The following PLXNA2 variants were observed in gnomAD, a reference collection of about 807,000 sequenced individuals.
PLXNA2 encodes the protein plexin-A2.
In PLXNA2, 91 loss-of-function variants were observed where a neutral mutation model predicts 193.5. That is an observed-to-expected ratio of 0.47 (90% CI 0.40 to 0.56). The LOEUF is 0.56. Among genes scored for constraint, PLXNA2 ranks in the 20% least tolerant of loss-of-function variants. PLXNA2 has a pLI of 0.00. For synonymous variants in PLXNA2, 997 were observed against 1,027.3 expected (o/e 0.97, Z 0.56); for missense variants, 1,995 against 2,503.2 (o/e 0.80, Z 4.33).
In PLXNA2 at chr1:208,057,850, A is replaced by T. The variant is rs541338863; in HGVS notation, c.2738+2836T>A. 2.0e-5 allele frequency among the ~76,000 whole-genome samples: 3 copies of T among 152,338 alleles called. No homozygotes were observed. In the South Asian group the frequency reaches 6.2e-4, roughly 32 times the overall value. On this transcript the variant is annotated intron_variant, in intron 13 of 31. Coordinates refer to ENST00000367033, the MANE Select transcript of PLXNA2 (RefSeq NM_025179.4). Reference sequence around the variant, plus strand: ...AGATAATCTTTACAATGGGAGCTGCAGATTCCATGGGGCATACCATTTACT... The same window carrying T: ...AGATAATCTTTACAATGGGAGCTGCTGATTCCATGGGGCATACCATTTACT...
intron 3 of PLXNA2, among the ~76,000 whole-genome samples, chr1:208,179,401 G>C (rs936509816): frequency 1.3e-5 from 2 of 152,206 alleles, no homozygotes; most frequent in African/African-American, 4.8e-5. Flanking sequence ...CCTGCTAGGA[G>C]GTGCAGCCGG....
At chr1:208,090,580 GTTTA>G (rs1666675576) in intron 9 of PLXNA2, among the ~76,000 whole-genome samples, 1 of 152,138 alleles carries the variant, frequency 6.6e-6, no homozygotes, top group Non-Finnish European at 1.5e-5. Context: ...CCCCAGCAGA[GTTTA>G]TTTATCTTGC....
In PLXNA2 at chr1:208,220,722, G is replaced by A. The variant is rs375845010; in HGVS notation, c.-80-2720C>T. 8.9e-4 allele frequency among the ~76,000 whole-genome samples: 135 copies of A among 152,030 alleles called. 2 individuals carry two copies. In the South Asian group the frequency reaches 0.026, roughly 29 times the overall value. ...CTCCCAAAGTGCTGGGATTACAGGC[G>A]TGAGCCACTGCACCTGGCCTGTTAT... On this transcript the variant is annotated intron_variant, in intron 1 of 31. Coordinates refer to ENST00000367033, the MANE Select transcript of PLXNA2 (RefSeq NM_025179.4).
intron 3 of PLXNA2, among the ~76,000 whole-genome samples, chr1:208,181,344 A>G (rs1669835520): frequency 6.6e-6 from 1 of 152,148 alleles, no homozygotes; most frequent in South Asian, 2.1e-4. Flanking sequence ...TCTTTCCTTC[A>G]GGGGGCCAGA....
intron 6 of PLXNA2, among the ~76,000 whole-genome samples, chr1:208,097,495 G>C (rs189536689): frequency 0.01 from 1,528 of 152,300 alleles, 14 homozygotes; most frequent in Non-Finnish European, 0.014. Flanking sequence ...AAGGAGCTCA[G>C]GGGATCAGAG....
chr1:208,084,999 C>T (rs984948759), intron 9 of PLXNA2, among the ~76,000 whole-genome samples: 1 of 152,224 alleles, frequency 6.6e-6, no homozygotes. Context: ...CCGTTATCAG[C>T]AGCTTCAGCT....
At chr1:208,149,568 A>C (rs1356414514) in intron 3 of PLXNA2, among the ~76,000 whole-genome samples, 28 of 150,370 alleles carry the variant, frequency 1.9e-4, no homozygotes, top group Admixed American at 1.9e-3. Flanking sequence ...TGTGTGTATA[A>C]GTGTGGTGTG....
intron 29 of PLXNA2, chr1:208,029,865 A>G (rs144830598): frequency 1.1e-5 from 11 of 985,568 alleles, no homozygotes; most frequent in Non-Finnish European, 1.3e-5. Flanking sequence ...TTCCTTTTCC[A>G]GCTTTGCCTT....
chr1:208,031,866 G>T, intron 28 of PLXNA2, 107 bp from the exon 29 acceptor site: 1 of 1,285,934 alleles, frequency 7.8e-7, no homozygotes, highest in Non-Finnish European at 1.1e-6. Flanking sequence ...ATTTGTCTGG[G>T]ACACGAGGCT....
rs1189668586 is a variant in PLXNA2, at chr1:208,022,596, G to A, written c.*4647C>T. On this transcript the variant is annotated 3_prime_UTR_variant, in exon 32 of 32. Coordinates refer to ENST00000367033, the MANE Select transcript of PLXNA2 (RefSeq NM_025179.4). ...GGCCCCTAGTCTCATGGGATAGAGA[G>A]CTTGTCCCTTCTGCCCTTACACACG... 1.3e-5 allele frequency: 2 copies of A among 152,614 alleles called. No homozygotes were observed. The highest frequency in any genetic ancestry group is 4.8e-5 in the African/African-American group (2 of 41,432). 9.5% of individuals were successfully genotyped at this position (152,614 alleles called of 1,614,324 possible). A position where few individuals can be genotyped will look rare whatever the true frequency, so the allele number is the denominator to read the frequency against.
At chr1:208,093,124 G>T (rs2478805) in intron 8 of PLXNA2, among the ~76,000 whole-genome samples, 145,707 of 152,290 alleles carry the variant, frequency 0.96, 70,049 homozygotes, top group East Asian at 1. Flanking sequence ...GAGTATAACT[G>T]ACAAAGCAGG....
At chr1:208,141,151 C>T (rs911631744) in intron 4 of PLXNA2, among the ~76,000 whole-genome samples, 20 of 152,192 alleles carry the variant, frequency 1.3e-4, no homozygotes, top group African/African-American at 4.3e-4. Context: ...ATGCAATTAT[C>T]GTATGATTTA....
At chr1:208,117,598 T>C (rs995281631) in intron 4 of PLXNA2, among the ~76,000 whole-genome samples, 1 of 152,112 alleles carries the variant, frequency 6.6e-6, no homozygotes, top group Non-Finnish European at 1.5e-5. Context: ...ACCCTCTTGA[T>C]GACAGCTGCA....
chr1:208,104,117 C>T (rs1434103286), intron 4 of PLXNA2, among the ~76,000 whole-genome samples: 1 of 152,208 alleles, frequency 6.6e-6, no homozygotes, highest in African/African-American at 2.4e-5. Context: ...GCTGCAAAAA[C>T]ATTTGCTGTG....
intron 4 of PLXNA2, among the ~76,000 whole-genome samples, chr1:208,137,334 T>A (rs1382048751): frequency 1.3e-5 from 2 of 152,248 alleles, no homozygotes; most frequent in African/African-American, 4.8e-5. Flanking sequence ...ATTGCTTCCA[T>A]CCCTATACTC....
At chr1:208,117,192 G>C (rs1176940206) in intron 4 of PLXNA2, among the ~76,000 whole-genome samples, 1 of 152,074 alleles carries the variant, frequency 6.6e-6, no homozygotes, top group Non-Finnish European at 1.5e-5. Context: ...AGAGTTGAAG[G>C]AATGAAAAAG....
At chr1:208,235,559 G>GT (rs1671825729) in intron 1 of PLXNA2, among the ~76,000 whole-genome samples, 1 of 152,206 alleles carries the variant, frequency 6.6e-6, no homozygotes, top group Admixed American at 6.5e-5. Context: ...CTGCCAGAGC[G>GT]TAACTAACCT....
intron 4 of PLXNA2, among the ~76,000 whole-genome samples, chr1:208,109,272 C>T (rs2102428426): frequency 6.6e-6 from 1 of 152,270 alleles, no homozygotes; most frequent in South Asian, 2.1e-4. Flanking sequence ...GGGCCTCTCT[C>T]CTTTCCTTTT....
chr1:208,062,008 T>C (rs1270398789), intron 12 of PLXNA2, among the ~76,000 whole-genome samples: 1 of 152,146 alleles, frequency 6.6e-6, no homozygotes, highest in Non-Finnish European at 1.5e-5. Flanking sequence ...TATACACAGT[T>C]GTAAAAAGGT....
Sources: allele counts gnomAD v4.1 joint callset (sites outside exome capture counted in the v4.1 genomes callset), GRCh38; gene constraint gnomAD v4.1.1; transcripts MANE v1.5; gene names NCBI Gene and HGNC (gene_info 2026-07-23, HGNC 2026-07-21).